The following UBAP1 variants were observed in gnomAD, a reference collection of about 807,000 sequenced individuals.
The protein encoded by UBAP1 is ubiquitin-associated protein 1.
Under a neutral mutation model 39.0 loss-of-function variants are expected in UBAP1, and 5 were observed. That is an observed-to-expected ratio of 0.13 (90% CI 0.07 to 0.27). UBAP1 has a LOEUF of 0.27. Among genes scored for constraint, UBAP1 ranks in the 10% least tolerant of loss-of-function variants. UBAP1 has a pLI of 1.00. For missense variants in UBAP1, 490 were observed against 608.1 expected (o/e 0.81, Z 2.04); for synonymous variants, 211 against 225.1 (o/e 0.94, Z 0.56).
intron 4 of UBAP1, among the ~76,000 whole-genome samples, chr9:34,248,417 G>C (rs1178780563): frequency 6.6e-6 from 1 of 152,202 alleles, no homozygotes; most frequent in Non-Finnish European, 1.5e-5. Context: ...GGCATTATGA[G>C]AAGGGCAGGC....
At chr9:34,246,958 C>T (rs1332511572) in intron 4 of UBAP1, among the ~76,000 whole-genome samples, 2 of 152,166 alleles carry the variant, frequency 1.3e-5, no homozygotes. Context: ...ATGAAAATCC[C>T]TTTTTATGCC....
chr9:34,218,990 A>T (rs1343727584), intron 1 of UBAP1, among the ~76,000 whole-genome samples: 2 of 152,184 alleles, frequency 1.3e-5, no homozygotes, highest in Non-Finnish European at 2.9e-5. Context: ...TGGTTCTTTG[A>T]AAATTGATAA....
At chr9:34,225,489 A>G (rs1345030197) in intron 2 of UBAP1, among the ~76,000 whole-genome samples, 1 of 151,922 alleles carries the variant, frequency 6.6e-6, no homozygotes, top group African/African-American at 2.4e-5. Flanking sequence ...TAAAATCTCA[A>G]TCCTCTGGCT....
rs1012214984 is a variant in UBAP1 at position 34,182,999 on chromosome 9, C to T, written c.-8+3759C>T. On this transcript the variant is annotated intron_variant, in intron 1 of 6. Transcript: ENST00000297661. ...TTCACCGTGTTAGCCAGGATGGTCTCGATTTCCTGACCTCTTGATCCGCCC... is the reference window on the plus strand; with the variant it reads ...TTCACCGTGTTAGCCAGGATGGTCTTGATTTCCTGACCTCTTGATCCGCCC... Among the ~76,000 whole-genome samples, 3 of 151,766 alleles carry T rather than the reference C, an allele frequency of 2.0e-5. 1 individual carries two copies. The highest frequency in any genetic ancestry group is 4.2e-4 in the South Asian group (2 of 4,808).
chr9:34,197,556 T>G (rs2131526302), intron 1 of UBAP1, among the ~76,000 whole-genome samples: 1 of 152,266 alleles, frequency 6.6e-6, no homozygotes, highest in Non-Finnish European at 1.5e-5. Context: ...CTTGGTTCTT[T>G]TTTTTTCTTT....
chr9:34,227,177 G>A (rs1833151597), intron 2 of UBAP1, among the ~76,000 whole-genome samples: 1 of 152,072 alleles, frequency 6.6e-6, no homozygotes, highest in Admixed American at 6.6e-5. Flanking sequence ...TTGTTTTGTT[G>A]TTAGGATATG....
Position 34,182,671 on chromosome 9 carries a change from C to CTCTTCTCT in UBAP1, c.-8+3432_-8+3433insCTTCTCTT, listed in dbSNP as rs770077167. Among the ~76,000 whole-genome samples, 16 of 87,946 alleles carry CTCTTCTCT rather than the reference C, an allele frequency of 1.8e-4. 1 individual carries two copies. Among genetic ancestry groups the CTCTTCTCT allele is most frequent in the African/African-American group, 6.4e-4 (15 of 23,468 alleles). 57.7% of individuals were successfully genotyped at this position (87,946 alleles called of 152,430 possible). A position where few individuals can be genotyped will look rare whatever the true frequency, so the allele number is the denominator to read the frequency against. ...TCTTTCTTTCTTTCTTTCTTTCTTT[C>CTCTTCTCT]TTTCTTTCTTTCTCTCTCTCTTTCT... On this transcript the variant is annotated intron_variant, in intron 1 of 6. Coordinates refer to ENST00000297661, the MANE Select transcript of UBAP1 (RefSeq NM_016525.5).
intron 1 of UBAP1, among the ~76,000 whole-genome samples, chr9:34,195,555 A>C (rs1830981077): frequency 6.6e-6 from 1 of 151,966 alleles, no homozygotes; most frequent in Admixed American, 6.6e-5. Context: ...CCAGAAAAGA[A>C]AGTTTCCCAA....
At position 34,242,088 on chromosome 9, in the gene UBAP1, C is replaced by T. The variant is rs1833989052; in HGVS notation, c.1063C>T (p.Pro355Ser). The stretch of plus-strand genomic sequence containing the variant: ...GTCTGTGTGCACAGAGGAATCATCA[C>T]CTCCAAATACTGGTCCCACGGTAAG... ...VLSVCTEESSPPNTGPTVTPP... is the reference protein window; with the variant it reads ...VLSVCTEESSSPNTGPTVTPP... Residue 355 changes from proline (P) to serine (S), a missense_variant, in exon 4 of 7, where the codon CCT becomes TCT. Pro to Ser is a moderately conservative substitution (Grantham distance 74). Coordinates refer to ENST00000297661, the MANE Select transcript of UBAP1 (RefSeq NM_016525.5). 7 of 1,597,170 alleles carry T rather than the reference C, an allele frequency of 4.4e-6. No homozygotes were observed. The highest frequency in any genetic ancestry group is 1.3e-5 in the African/African-American group (1 of 74,740).
intron 2 of UBAP1, among the ~76,000 whole-genome samples, chr9:34,228,001 T>C (rs1833191614): frequency 6.6e-6 from 1 of 151,850 alleles, no homozygotes; most frequent in Admixed American, 6.6e-5. Flanking sequence ...TGGTGGTGCA[T>C]GCCTGTAGTC....
At chr9:34,185,442 G>C (rs1474103766) in intron 1 of UBAP1, among the ~76,000 whole-genome samples, 1 of 152,172 alleles carries the variant, frequency 6.6e-6, no homozygotes, top group South Asian at 2.1e-4. Flanking sequence ...CCAGGTACAC[G>C]AGAGGCTGAG....
chr9:34,211,072 A>G (rs1831994372), intron 1 of UBAP1, among the ~76,000 whole-genome samples: 1 of 152,186 alleles, frequency 6.6e-6, no homozygotes, highest in Non-Finnish European at 1.5e-5. Flanking sequence ...TTGTCAATAT[A>G]GACATTGGTA....
Position 34,248,181 on chromosome 9 carries a change from A to G in UBAP1, c.1084-1598A>G, listed in dbSNP as rs1031670644. ...CTCCCGAGTAGCTGGGACTACAGGC[A>G]TGTGCCACCACACCCGGCTGATTTT... On this transcript the variant is annotated intron_variant, in intron 4 of 6. Transcript: ENST00000297661. Among the ~76,000 whole-genome samples, 3 of 152,096 alleles carry G rather than the reference A, an allele frequency of 2.0e-5. No individual in the cohort carries two copies. The South Asian group carries it at 6.2e-4, about 32-fold the overall frequency.
At chr9:34,226,901 CTT>C (rs1310212062) in intron 2 of UBAP1, among the ~76,000 whole-genome samples, 5 of 152,242 alleles carry the variant, frequency 3.3e-5, no homozygotes, top group Admixed American at 2.0e-4. Context: ...CCATTTGTCT[CTT>C]TATATTTCCA....
chr9:34,221,048 T>G, intron 2 of UBAP1, 100 bp downstream of exon 2: 1 of 1,021,932 alleles, frequency 9.8e-7, no homozygotes. Context: ...TTTTGTCTCT[T>G]TTAATGAACA....
intron 1 of UBAP1, among the ~76,000 whole-genome samples, chr9:34,188,066 C>T (rs1198269885): frequency 3.5e-5 from 5 of 144,466 alleles, no homozygotes; most frequent in South Asian, 2.2e-4. Flanking sequence ...TTGATCTGGG[C>T]GAGGATCACA....
At chr9:34,220,610 C>T in intron 1 of UBAP1, 1 of 288,916 alleles carries the variant, frequency 3.5e-6, no homozygotes, top group Non-Finnish European at 6.6e-6. Context: ...TAGGAGTGAG[C>T]CACCAAGCCT....
At chr9:34,180,468 A>T (rs1829954104) in intron 1 of UBAP1, among the ~76,000 whole-genome samples, 1 of 151,692 alleles carries the variant, frequency 6.6e-6, no homozygotes, top group Non-Finnish European at 1.5e-5. Flanking sequence ...AGATCGCTGC[A>T]TTGCACTCCA....
At chr9:34,182,632 T>TTTCC (rs1830117806) in intron 1 of UBAP1, among the ~76,000 whole-genome samples, 2 of 57,478 alleles carry the variant, frequency 3.5e-5, no homozygotes, top group African/African-American at 8.8e-5. Context: ...TCTTTCTTTC[T>TTTCC]TTCTTTCTTT....
Sources: allele counts gnomAD v4.1 joint callset (sites outside exome capture counted in the v4.1 genomes callset), GRCh38; gene constraint gnomAD v4.1.1; transcripts MANE v1.5; gene names NCBI Gene and HGNC (gene_info 2026-07-23, HGNC 2026-07-21).